The following FLRT1 variants were observed in gnomAD, a reference collection of about 807,000 sequenced individuals.
FLRT1 encodes leucine-rich repeat transmembrane protein FLRT1.
FLRT1 carries 14 observed loss-of-function variants against 30.9 expected under a neutral mutation model. The observed-to-expected ratio is 0.45, with a 90% CI of 0.30 to 0.71. FLRT1 has a LOEUF of 0.71. Ranked by LOEUF, FLRT1 falls within the 30% of genes least tolerant of loss-of-function variation. The probability of loss-of-function intolerance (pLI) is 0.08; values close to 1 mark genes in which losing one functional copy is unlikely to be tolerated. For missense variants in FLRT1, 737 were observed against 949.2 expected (o/e 0.78, Z 2.94); for synonymous variants, 368 against 430.4 (o/e 0.85, Z 1.80).
rs1464075069 is a variant in FLRT1, at chr11:64,118,346, T to C, written c.*54T>C. The C allele has an allele frequency of 8.0e-6, 12 of 1,496,614 alleles. No homozygotes were observed. The highest frequency in any genetic ancestry group is 1.1e-5 in the Non-Finnish European group (12 of 1,120,310). 92.7% of individuals were successfully genotyped at this position (1,496,614 alleles called of 1,614,324 possible). On this transcript the variant is annotated 3_prime_UTR_variant, in exon 3 of 3. Coordinates refer to ENST00000682287, the MANE Select transcript of FLRT1 (RefSeq NM_013280.5). The stretch of plus-strand genomic sequence containing the variant: ...AGCCCCAGCTGCCCTGGCGTGGCCA[T>C]GTGGCTTTGCCCAGCCTGCTGCAAT...
intron 1 of FLRT1, among the ~76,000 whole-genome samples, chr11:64,041,225 A>C (rs1281322293): frequency 1.3e-5 from 2 of 150,034 alleles, no homozygotes; most frequent in Non-Finnish European, 3.0e-5. Context: ...AAAAAAAAAA[A>C]AAAAGCATGA....
At position 64,092,827 on chromosome 11, in the gene FLRT1, C is replaced by T. The variant is rs74718359; in HGVS notation, c.-1037-10367C>T. On this transcript the variant is annotated intron_variant, in intron 1 of 2. Transcript: ENST00000682287. ...AAGCATGGTTTGAAGAAGACATGAA[C>T]GCTGGGAGGTTAACACGTGTCACCA... Among the ~76,000 whole-genome samples, 142 of 152,350 alleles carry T rather than the reference C, an allele frequency of 9.3e-4. 2 individuals are homozygous for T. Among genetic ancestry groups the T allele is most frequent in the African/African-American group, 3.2e-3 (133 of 41,592 alleles).
At chr11:64,061,520 C>A (rs1196324362) in intron 1 of FLRT1, among the ~76,000 whole-genome samples, 1 of 152,218 alleles carries the variant, frequency 6.6e-6, no homozygotes, top group African/African-American at 2.4e-5. Context: ...CGGCTCTGCA[C>A]TGTGATCACC....
chr11:64,095,807 CA>C (rs1248558183), intron 1 of FLRT1, among the ~76,000 whole-genome samples: 2 of 152,144 alleles, frequency 1.3e-5, no homozygotes, highest in Non-Finnish European at 2.9e-5. Flanking sequence ...TGAAATAGGC[CA>C]AGAGGGGCTC....
chr11:64,092,171 T>C (rs1053594829), intron 1 of FLRT1, among the ~76,000 whole-genome samples: 1 of 152,234 alleles, frequency 6.6e-6, no homozygotes, highest in African/African-American at 2.4e-5. Flanking sequence ...GTGGAGTCAC[T>C]GCACAGTCTC....
chr11:64,050,463 A>G (rs1943672227), intron 1 of FLRT1, among the ~76,000 whole-genome samples: 1 of 151,826 alleles, frequency 6.6e-6, no homozygotes, highest in African/African-American at 2.4e-5. Context: ...CACTGCTTCC[A>G]CTCTGCCCCT....
At position 64,090,831 on chromosome 11, in the gene FLRT1, T is replaced by C. The variant is rs574447334; in HGVS notation, c.-1037-12363T>C. On this transcript the variant is annotated intron_variant, in intron 1 of 2. Transcript: ENST00000682287. This position sits in a 1 kb window ranked among gnomAD's most constrained non-coding sequence, Gnocchi z 4.7. The stretch of plus-strand genomic sequence containing the variant: ...GGGCTCTGCAGAAGCAGAGCCCGAG[T>C]CGGGTCCAGCCCTGCACTCCCAGGG... Among the ~76,000 whole-genome samples the C allele has an allele frequency of 1.3e-5, 2 of 151,568 alleles. No individual in the cohort carries two copies. Among genetic ancestry groups the C allele is most frequent in the African/African-American group, 4.8e-5 (2 of 41,252 alleles).
At chr11:64,109,854 G>A (rs1037115408) in intron 2 of FLRT1, among the ~76,000 whole-genome samples, 1 of 152,152 alleles carries the variant, frequency 6.6e-6, no homozygotes, top group African/African-American at 2.4e-5. Flanking sequence ...GCTGATAAGG[G>A]GTCAGCCTGT....
intron 1 of FLRT1, among the ~76,000 whole-genome samples, chr11:64,074,688 C>T (rs1036067829): frequency 6.6e-6 from 1 of 152,204 alleles, no homozygotes; most frequent in Non-Finnish European, 1.5e-5. Flanking sequence ...ATCCCAGGAG[C>T]TAGATACCAC....
intron 1 of FLRT1, among the ~76,000 whole-genome samples, chr11:64,045,999 G>A (rs967237558): frequency 3.3e-5 from 5 of 152,176 alleles, no homozygotes; most frequent in Non-Finnish European, 5.9e-5. Flanking sequence ...AACATGTCAC[G>A]TACAGTACTG....
chr11:64,073,030 G>C (rs986049054), intron 1 of FLRT1, among the ~76,000 whole-genome samples: 1 of 152,196 alleles, frequency 6.6e-6, no homozygotes, highest in Non-Finnish European at 1.5e-5. Flanking sequence ...GGCAGCCAGA[G>C]GCAGAGCCAG....
chr11:64,088,512 C>T (rs1417454437), intron 1 of FLRT1, among the ~76,000 whole-genome samples: 8 of 152,210 alleles, frequency 5.3e-5, no homozygotes, highest in Non-Finnish European at 8.8e-5. Context: ...CTCACCAGGA[C>T]GGCAGAGGCT....
chr11:64,070,329 G>A (rs546906309), intron 1 of FLRT1, among the ~76,000 whole-genome samples: 4 of 152,210 alleles, frequency 2.6e-5, no homozygotes, highest in South Asian at 2.1e-4. Flanking sequence ...TGGGGGCCTC[G>A]GAGCTGTGAC....
intron 1 of FLRT1, among the ~76,000 whole-genome samples, chr11:64,055,988 G>A (rs747250605): frequency 6.6e-5 from 10 of 152,306 alleles, no homozygotes; most frequent in East Asian, 3.9e-4. Context: ...ACGCGCTGTC[G>A]GTCCTCTGGG....
At chr11:64,059,906 G>A (rs1943865007) in intron 1 of FLRT1, among the ~76,000 whole-genome samples, 1 of 152,098 alleles carries the variant, frequency 6.6e-6, no homozygotes, top group Non-Finnish European at 1.5e-5. Context: ...GCGAGGCGAG[G>A]CTGGCAACCG....
chr11:64,063,883 G>C (rs1207616706), intron 1 of FLRT1, among the ~76,000 whole-genome samples: 1 of 152,242 alleles, frequency 6.6e-6, no homozygotes, highest in African/African-American at 2.4e-5. Context: ...CCCAGAGAGG[G>C]TGGTGGAGGG....
At chr11:64,068,370 G>A (rs1325912387) in intron 1 of FLRT1, among the ~76,000 whole-genome samples, 1 of 152,240 alleles carries the variant, frequency 6.6e-6, no homozygotes, top group Non-Finnish European at 1.5e-5. Flanking sequence ...CTCAGGCCCA[G>A]CTGCCCGCAT....
Position 64,036,876 on chromosome 11 carries a change from C to A in FLRT1, c.-1038+717C>A, listed in dbSNP as rs1380856149. Among the ~76,000 whole-genome samples, 1 of 152,190 alleles carries A rather than the reference C, an allele frequency of 6.6e-6. No homozygotes were observed. The highest frequency in any genetic ancestry group is 1.5e-5 in the Non-Finnish European group (1 of 68,024). ...ACCCGGCGGCGCACGCCCCTCCTCG[C>A]GGGCACTGGAGACCCCGGGGAGGAA... On this transcript the variant is annotated intron_variant, in intron 1 of 2. Coordinates refer to ENST00000682287, the MANE Select transcript of FLRT1 (RefSeq NM_013280.5). This position sits in a 1 kb window ranked among gnomAD's most constrained non-coding sequence, Gnocchi z 5.6.
Position 64,036,763 on chromosome 11 carries a change from G to C in FLRT1, c.-1038+604G>C, listed in dbSNP as rs2134375839. Among the ~76,000 whole-genome samples the C allele has an allele frequency of 6.6e-6, 1 of 152,324 alleles. No individual in the cohort carries two copies. Among genetic ancestry groups the C allele is most frequent in the East Asian group, 1.9e-4 (1 of 5,180 alleles). ...GGGCGGGGGCTGGGGCCGTACACCT[G>C]GCGGCTGGAACGGTGAGACCATGGT... On this transcript the variant is annotated intron_variant, in intron 1 of 2. Coordinates refer to ENST00000682287, the MANE Select transcript of FLRT1 (RefSeq NM_013280.5). The surrounding 1 kb of genome is among the most constrained non-coding windows in gnomAD (Gnocchi z 5.6).
Sources: gnomAD v4.1 joint callset for allele counts (sites outside exome capture counted in the v4.1 genomes callset) on GRCh38, gnomAD v4.1.1 for gene constraint, Gnocchi (gnomAD v3.1) non-coding constraint, MANE v1.5 for transcripts, NCBI Gene and HGNC (gene_info 2026-07-23, HGNC 2026-07-21) for gene names.